SPEG: variants seen among roughly 807,000 people sequenced by gnomAD.
SPEG encodes striated muscle enriched protein kinase.
In SPEG, 114 loss-of-function variants were observed where a neutral mutation model predicts 300.4. That is an observed-to-expected ratio of 0.38 (90% CI 0.33 to 0.44). The LOEUF (loss-of-function observed/expected upper bound fraction) is 0.44. Among genes scored for constraint, SPEG ranks in the 20% least tolerant of loss-of-function variants. The pLI is 1.00. For synonymous variants in SPEG, 1,964 were observed against 2,018.9 expected, an observed-to-expected ratio of 0.97 and a Z score of 0.73; for missense variants, 4,201 against 4,586.2, an observed-to-expected ratio of 0.92 and a Z score of 2.43.
intron 22 of SPEG, among the ~76,000 whole-genome samples, chr2:219,478,882 G>A (rs1692574461): frequency 6.6e-6 from 1 of 152,212 alleles, no homozygotes; most frequent in Non-Finnish European, 1.5e-5. Context: ...ACTCCTGGGA[G>A]AACCTAGGCT....
At chr2:219,460,533 C>T (rs1235939401) in intron 6 of SPEG, 4 of 985,328 alleles carry the variant, frequency 4.1e-6, no homozygotes, top group Non-Finnish European at 4.8e-6. Flanking sequence ...GGAGGCCCCA[C>T]ACCTTGAGTC....
intron 6 of SPEG, among the ~76,000 whole-genome samples, chr2:219,453,733 G>T (rs1333120458): frequency 6.6e-6 from 1 of 152,234 alleles, no homozygotes. Context: ...CCCAGGGCCT[G>T]GGGGGCAGGC....
chr2:219,463,158 A>G (rs1239605508), intron 8 of SPEG, among the ~76,000 whole-genome samples: 1 of 151,110 alleles, frequency 6.6e-6, no homozygotes, highest in African/African-American at 2.4e-5. Context: ...GCAGTGAGCT[A>G]TGATCATACC....
rs760048590 is a variant in SPEG, at chr2:219,451,310, C to T, written c.2257+31C>T. On this transcript the variant is annotated intron_variant, in intron 5 of 40. Coordinates refer to ENST00000312358, the MANE Select transcript of SPEG (RefSeq NM_005876.5). This position sits in a 1 kb window ranked among gnomAD's most constrained non-coding sequence, Gnocchi z 6.4. ...CTCCAGCACTGGGCCAAGGTGCGGTCGAGGTTGGGAGGGGGTGTGTGAGAA... is the reference window on the plus strand; with the variant it reads ...CTCCAGCACTGGGCCAAGGTGCGGTTGAGGTTGGGAGGGGGTGTGTGAGAA... The T allele has an allele frequency of 4.4e-6, 7 of 1,578,986 alleles. No individual in the cohort carries two copies. In the East Asian group the frequency reaches 9.1e-5, roughly 21 times the overall value.
rs773275764 is a variant in SPEG, at chr2:219,490,467, G to C, written c.8980G>C (p.Ala2994Pro). The C allele has an allele frequency of 6.2e-7, 1 of 1,613,312 alleles. No homozygotes were observed. The stretch of plus-strand genomic sequence containing the variant: ...GAATGCCACGGGGCGAACGTTCGTG[G>C]CCAAGATCGTGCCCTATGCTGCCGA... ...RENATGRTFV[A>P]KIVPYAAEGK... Residue 2994 changes from alanine to proline, a missense_variant, in exon 37 of 41, where the codon GCC becomes CCC. Around this residue, in one of 4 missense-constraint regions of SPEG, gnomAD observed 318 missense variants for 429.5 expected, o/e 0.74. Coordinates refer to ENST00000312358, the MANE Select transcript of SPEG (RefSeq NM_005876.5).
Position 219,479,059 on chromosome 2 carries a change from C to A in SPEG, c.5028-85C>A. On this transcript the variant is annotated intron_variant, in intron 22 of 40. Coordinates refer to ENST00000312358, the MANE Select transcript of SPEG (RefSeq NM_005876.5). The surrounding 1 kb of genome is among the most constrained non-coding windows in gnomAD (Gnocchi z 5.5). ...GCATTCTGTAAGGGGAAGGAGAACCCCGTGCTGAGCTGGGACCTGCCCTGA... is the reference window on the plus strand; with the variant it reads ...GCATTCTGTAAGGGGAAGGAGAACCACGTGCTGAGCTGGGACCTGCCCTGA... 4 of 1,213,856 alleles carry A rather than the reference C, an allele frequency of 3.3e-6. No homozygotes were observed. Among genetic ancestry groups the A allele is most frequent in the Non-Finnish European group, 3.6e-6 (3 of 828,720 alleles). The allele number at this position is 1,213,856 out of a possible 1,614,324, so 75.2% of individuals were successfully genotyped here. A position where few individuals can be genotyped will look rare whatever the true frequency, so the allele number is the denominator to read the frequency against.
Position 219,444,642 on chromosome 2 carries a change from T to A in SPEG, c.389-11T>A, listed in dbSNP as rs1308414741. 1 of 1,613,280 alleles carries A rather than the reference T, an allele frequency of 6.2e-7. No homozygotes were observed. ...GGAGGGCCCTGCCCACACAGACCCCTTCTTCTCCAGACTCAGAGACGGCTG... is the reference window on the plus strand; with the variant it reads ...GGAGGGCCCTGCCCACACAGACCCCATCTTCTCCAGACTCAGAGACGGCTG... On this transcript the variant is annotated splice_polypyrimidine_tract_variant and intron_variant, in intron 1 of 40. Transcript: ENST00000312358. This position sits in a 1 kb window ranked among gnomAD's most constrained non-coding sequence, Gnocchi z 7.8.
rs758577613 is a variant in SPEG at position 219,478,101 on chromosome 2, G to C, written c.5023G>C (p.Glu1675Gln). 5.0e-6 allele frequency: 8 copies of C among 1,613,328 alleles called. No individual in the cohort carries two copies. In the African/African-American group the frequency reaches 9.3e-5, roughly 19 times the overall value. ...ERRRGLVIVT[E>Q]LCTEELLERI... ...GCGCCGGGGACTGGTCATTGTCACC[G>C]AGCTGTATCCTGGGACAGGCTGGGG... Residue 1675 changes from glutamate (E) to glutamine (Q), a missense_variant, in exon 22 of 41, where the codon GAG (glutamate) becomes CAG (glutamine). Around this residue, in one of 4 missense-constraint regions of SPEG, gnomAD observed 1,047 missense variants for 1,356.8 expected, o/e 0.77. Transcript: ENST00000312358.
At chr2:219,475,285 A>T (rs1255840933) in intron 18 of SPEG, among the ~76,000 whole-genome samples, 1 of 152,204 alleles carries the variant, frequency 6.6e-6, no homozygotes. Context: ...AAAAGCAAAG[A>T]AAGTGACATT....
rs965260434 is a variant in SPEG, at chr2:219,448,656, C to A, written c.1498C>A (p.Arg500Ser). 4 of 1,491,674 alleles carry A rather than the reference C, an allele frequency of 2.7e-6. No individual in the cohort carries two copies. The African/African-American group carries it at 4.4e-5, about 16-fold the overall frequency. 92.4% of individuals were successfully genotyped at this position (1,491,674 alleles called of 1,614,324 possible). Residue 500 changes from arginine (R) to serine (S), a missense_variant, in exon 4 of 41, where the codon CGC (arginine) becomes AGC (serine). Arg to Ser is a moderately radical substitution (Grantham distance 110, BLOSUM62 -1). Around this residue, in one of 4 missense-constraint regions of SPEG, gnomAD observed 1,258 missense variants for 1,293.9 expected, o/e 0.97. Transcript: ENST00000312358. ...LELRFAQELG[R>S]IRRSTSREEL... ...GCTGCGCTTCGCCCAGGAGCTGGGC[C>A]GCATCCGCCGCTCCACGTCGCGGGA...
rs141272617 is a variant in SPEG at position 219,481,604 on chromosome 2, G to A, written c.5523-34G>A. On this transcript the variant is annotated intron_variant, in intron 27 of 40. Coordinates refer to ENST00000312358, the MANE Select transcript of SPEG (RefSeq NM_005876.5). The surrounding 1 kb of genome is among the most constrained non-coding windows in gnomAD (Gnocchi z 5.4). ...GTTATTGACTCACTGATGACTGAAC[G>A]ATAAATCCCTTCTTAATCCTCATTC... 136 of 1,612,880 alleles carry A rather than the reference G, an allele frequency of 8.4e-5. No individual in the cohort carries two copies. The African/African-American group carries it at 1.5e-3, about 18-fold the overall frequency.
Position 219,492,725 on chromosome 2 carries a change from G to T in SPEG, c.9743G>T (p.Arg3248Leu). The T allele has an allele frequency of 6.3e-7, 1 of 1,591,804 alleles. No individual in the cohort carries two copies. Among genetic ancestry groups the T allele is most frequent in the Non-Finnish European group, 8.5e-7 (1 of 1,174,030 alleles). Residue 3248 changes from arginine (R) to leucine (L), a missense_variant, in exon 41 of 41, where the codon CGC becomes CTC. Physicochemically the swap from Arg to Leu is moderately radical, Grantham distance 102. Coordinates refer to ENST00000312358, the MANE Select transcript of SPEG (RefSeq NM_005876.5). ...GAGTTCCTGGGCGAGCAGCGGCGGCGCCGGGCTGAGGCTGCCACCCGCCAC... is the reference window on the plus strand; with the variant it reads ...GAGTTCCTGGGCGAGCAGCGGCGGCTCCGGGCTGAGGCTGCCACCCGCCAC... ...LKEFLGEQRR[R>L]RAEAATRHKV...
intron 13 of SPEG, chr2:219,471,535 G>T (rs894555739): frequency 8.8e-6 from 3 of 342,690 alleles, no homozygotes; most frequent in African/African-American, 6.4e-5. Context: ...GAGGTGGGAA[G>T]ACGAGGGGCC....
At position 219,445,164 on chromosome 2, in the gene SPEG, A is replaced by G; in HGVS notation, c.815+3A>G. 6.4e-7 allele frequency: 1 copy of G among 1,564,558 alleles called. No individual in the cohort carries two copies. Among genetic ancestry groups the G allele is most frequent in the Non-Finnish European group, 8.7e-7 (1 of 1,155,402 alleles). On this transcript the variant is annotated splice_donor_region_variant and intron_variant, in intron 3 of 40. Transcript: ENST00000312358. This position sits in a 1 kb window ranked among gnomAD's most constrained non-coding sequence, Gnocchi z 6.1. ...GGACGGGCGCTCTCTATCCACGTGT[A>G]AGTAACGGCCTTACCTGGGCCTGAA...
At position 219,489,432 on chromosome 2, in the gene SPEG, C is replaced by T; in HGVS notation, c.8414C>T (p.Pro2805Leu). 1 of 1,613,234 alleles carries T rather than the reference C, an allele frequency of 6.2e-7. No individual in the cohort carries two copies. Among genetic ancestry groups the T allele is most frequent in the Non-Finnish European group, 8.5e-7 (1 of 1,179,692 alleles). ...CCTGACTCTCCTACCTCACTGGCCC[C>T]ACCCCTAGCTCCTGCTGCCCCCACA... ...RPPDSPTSLAPPLAPAAPTPP... is the reference protein window; with the variant it reads ...RPPDSPTSLALPLAPAAPTPP... Residue 2805 changes from proline (P) to leucine (L), a missense_variant, in exon 36 of 41, where the codon CCA (proline) becomes CTA (leucine). Pro to Leu is a moderately conservative substitution (Grantham distance 98). Coordinates refer to ENST00000312358, the MANE Select transcript of SPEG (RefSeq NM_005876.5).
In SPEG at chr2:219,449,179, C is replaced by T. The variant is rs757668535; in HGVS notation, c.2021C>T (p.Pro674Leu). 10 of 1,394,120 alleles carry T rather than the reference C, an allele frequency of 7.2e-6. No homozygotes were observed. The highest frequency in any genetic ancestry group is 8.4e-6 in the Non-Finnish European group (9 of 1,074,184). 86.4% of individuals were successfully genotyped at this position (1,394,120 alleles called of 1,614,324 possible). Reference sequence around the variant, plus strand: ...GCAGAGAAGAGGCTTCGCAGAGGGCCGGAGGAGGACGGTCCCTGGGGGCCC... The same window carrying T: ...GCAGAGAAGAGGCTTCGCAGAGGGCTGGAGGAGGACGGTCCCTGGGGGCCC... ...PEAEKRLRRG[P>L]EEDGPWGPWD... The change falls in exon 4 of 41, where the codon CCG becomes CTG. Residue 674 changes from proline to leucine, a missense_variant. Pro to Leu is a moderately conservative substitution (Grantham distance 98). Around this residue, in one of 4 missense-constraint regions of SPEG, gnomAD observed 1,258 missense variants for 1,293.9 expected, o/e 0.97. Coordinates refer to ENST00000312358, the MANE Select transcript of SPEG (RefSeq NM_005876.5).
chr2:219,452,342 G>A (rs1304817906), intron 6 of SPEG, among the ~76,000 whole-genome samples: 5 of 152,144 alleles, frequency 3.3e-5, no homozygotes, highest in Non-Finnish European at 5.9e-5. Flanking sequence ...TGGCAGTGCC[G>A]AGGCTGCCTT....
intron 30 of SPEG, 101 bp from the exon 31 acceptor site, chr2:219,485,245 G>C: frequency 6.6e-7 from 1 of 1,509,564 alleles, no homozygotes; most frequent in Non-Finnish European, 8.9e-7. Flanking sequence ...AGGGCTGGGT[G>C]GGCTAGGGGT....
In SPEG at chr2:219,473,489, C is replaced by T; in HGVS notation, c.4148-15C>T. 1 of 1,613,326 alleles carries T rather than the reference C, an allele frequency of 6.2e-7. No homozygotes were observed. The highest frequency in any genetic ancestry group is 8.5e-7 in the Non-Finnish European group (1 of 1,179,736). On this transcript the variant is annotated splice_polypyrimidine_tract_variant and intron_variant, in intron 16 of 40. Coordinates refer to ENST00000312358, the MANE Select transcript of SPEG (RefSeq NM_005876.5). The surrounding 1 kb of genome is among the most constrained non-coding windows in gnomAD (Gnocchi z 4.6). ...TGTCAAGCCCAGCACAGAGCCTGCG[C>T]TCTCCTCCTCCCAGGCCCAACCCTG...
Sources: gnomAD v4.1 joint callset for allele counts (sites outside exome capture counted in the v4.1 genomes callset) on GRCh38, gnomAD v4.1.1 for gene constraint, gnomAD v4.1.1 regional missense constraint, Gnocchi (gnomAD v3.1) non-coding constraint, MANE v1.5 for transcripts, NCBI Gene and HGNC (gene_info 2026-07-23, HGNC 2026-07-21) for gene names.